The following TBC1D22B variants were observed in gnomAD, a reference collection of about 807,000 sequenced individuals.
TBC1D22B encodes the protein TBC1 domain family member 22B, also known as chromosome 6 open reading frame 197.
In TBC1D22B, 32 loss-of-function variants were observed where a neutral mutation model predicts 69.1. The ratio of observed to expected loss-of-function variants is 0.46; its 90% CI spans 0.35 to 0.62. The LOEUF is 0.62. Among genes scored for constraint, TBC1D22B ranks in the 20% least tolerant of loss-of-function variants. The pLI is 0.00. For missense variants in TBC1D22B, 462 were observed against 630.9 expected (o/e 0.73, Z 2.87); for synonymous variants, 206 against 229.8 (o/e 0.90, Z 0.94).
chr6:37,326,773 G>A (rs1340173029), intron 12 of TBC1D22B, among the ~76,000 whole-genome samples: 2 of 150,314 alleles, frequency 1.3e-5, no homozygotes, highest in South Asian at 2.1e-4. Flanking sequence ...GGGTGACGGA[G>A]CGAGACTACG....
intron 8 of TBC1D22B, among the ~76,000 whole-genome samples, chr6:37,298,577 GCT>G (rs1767463606): frequency 1.0e-5 from 1 of 99,398 alleles, no homozygotes; most frequent in Non-Finnish European, 1.8e-5. Context: ...ACGGAGTCTT[GCT>G]CTGTTGCCCA....
intron 8 of TBC1D22B, among the ~76,000 whole-genome samples, chr6:37,303,885 C>T (rs1022849785): frequency 2.0e-5 from 3 of 152,142 alleles, no homozygotes; most frequent in Admixed American, 6.5e-5. Context: ...GGCACTTTAC[C>T]TCGCTAGTTG....
At chr6:37,284,081 G>C (rs1306639972) in intron 5 of TBC1D22B, among the ~76,000 whole-genome samples, 1 of 152,202 alleles carries the variant, frequency 6.6e-6, no homozygotes, top group African/African-American at 2.4e-5. Context: ...GTGCTCACCA[G>C]TGGCACAAGC....
In TBC1D22B at chr6:37,313,883, G is replaced by A. The variant is rs1297726032; in HGVS notation, c.1157G>A (p.Arg386Gln). Residue 386 changes from arginine (R) to glutamine (Q), a missense_variant, in exon 10 of 13, where the codon CGG becomes CAG. Arg to Gln is a conservative substitution (Grantham distance 43, BLOSUM62 1). Coordinates refer to ENST00000373491, the MANE Select transcript of TBC1D22B (RefSeq NM_017772.4). The stretch of plus-strand genomic sequence containing the variant: ...AAGGCACTGGAAGAGCTTGTCAGCC[G>A]GATTGATGGTAGGTTCAGAGGGAGA... ...KVKALEELVS[R>Q]IDEQVHNHFR... 2.5e-6 allele frequency: 4 copies of A among 1,614,080 alleles called. No homozygotes were observed. The highest frequency in any genetic ancestry group is 2.2e-5 in the East Asian group (1 of 44,886).
rs1347993371 is a variant in TBC1D22B at position 37,279,379 on chromosome 6, A to G, written c.189A>G (p.Ala63=). ...AGGCCTCCAGTTTTCATGAGTTTGC[A>G]CGGAATACCAGTGATGCTTGGGACA... is the stretch of plus-strand genomic sequence containing the variant. ...NKKASSFHEF[A]RNTSDAWDIG... Residue 63 remains alanine, a synonymous_variant, in exon 3 of 13, where the codon GCA becomes GCG. Transcript: ENST00000373491. The G allele has an allele frequency of 6.4e-5, 103 of 1,614,106 alleles. No homozygotes were observed. The highest frequency in any genetic ancestry group is 8.7e-5 in the Non-Finnish European group (103 of 1,180,044).
chr6:37,282,074 G>T, intron 3 of TBC1D22B, 111 bp from the exon 4 acceptor site: 1 of 1,259,128 alleles, frequency 7.9e-7, no homozygotes, highest in South Asian at 1.3e-5. Context: ...AGTGCACACA[G>T]GCAGCCACAC....
chr6:37,329,686 CATT>C (rs1235659462), intron 12 of TBC1D22B, among the ~76,000 whole-genome samples: 9 of 152,206 alleles, frequency 5.9e-5, no homozygotes, highest in African/African-American at 1.9e-4. Flanking sequence ...CCAGGGCTAA[CATT>C]ATGGTTTTGG....
chr6:37,289,101 G>A, intron 7 of TBC1D22B, among the ~76,000 whole-genome samples: 1 of 151,708 alleles, frequency 6.6e-6, no homozygotes, highest in Non-Finnish European at 1.5e-5. Context: ...TTGCTTTGTT[G>A]CCCAGGACTG....
In TBC1D22B at chr6:37,313,038, G is replaced by T. The variant is rs1205096885; in HGVS notation, c.1089+14G>T. ...GATGGAATCCAGGTGAGCTGCTTCT[G>T]CCCTTGTGGGAACAAACGTCTAGGT... On this transcript the variant is annotated intron_variant, in intron 9 of 12. Coordinates refer to ENST00000373491, the MANE Select transcript of TBC1D22B (RefSeq NM_017772.4). 6.2e-7 allele frequency: 1 copy of T among 1,608,682 alleles called. No homozygotes were observed. Among genetic ancestry groups the T allele is most frequent in the Admixed American group, 1.7e-5 (1 of 60,010 alleles).
chr6:37,319,171 T>A (rs1302703176), intron 12 of TBC1D22B, among the ~76,000 whole-genome samples: 1 of 152,106 alleles, frequency 6.6e-6, no homozygotes, highest in African/African-American at 2.4e-5. Context: ...TTGACTTCTG[T>A]GAGTAGATGC....
intron 8 of TBC1D22B, among the ~76,000 whole-genome samples, chr6:37,293,680 A>G (rs1459329813): frequency 6.6e-6 from 1 of 152,236 alleles, no homozygotes; most frequent in Non-Finnish European, 1.5e-5. Flanking sequence ...ATCAAAAGCT[A>G]TAAATGATTA....
At chr6:37,308,515 G>A (rs564422849) in intron 8 of TBC1D22B, among the ~76,000 whole-genome samples, 16 of 152,274 alleles carry the variant, frequency 1.1e-4, no homozygotes, top group Admixed American at 7.8e-4. Context: ...CTATCTCACT[G>A]GCTGTGAAAA....
chr6:37,267,118 G>A (rs981621244), intron 1 of TBC1D22B, among the ~76,000 whole-genome samples: 5 of 150,258 alleles, frequency 3.3e-5, no homozygotes, highest in African/African-American at 1.2e-4. Flanking sequence ...TAAATTTTTT[G>A]TAGGTACAAG....
rs76387135 is a variant in TBC1D22B, at chr6:37,258,133, G to A, written c.56+160G>A. 220 of 802,342 alleles carry A rather than the reference G, an allele frequency of 2.7e-4. No individual in the cohort carries two copies. The African/African-American group carries it at 3.7e-3, about 14-fold the overall frequency. The allele number at this position is 802,342 out of a possible 1,614,324, so 49.7% of individuals were successfully genotyped here. A position where few individuals can be genotyped will look rare whatever the true frequency, so the allele number is the denominator to read the frequency against. On this transcript the variant is annotated intron_variant, in intron 1 of 12. Transcript: ENST00000373491. ...CAGGGCAGCTGTCAGGCAGCGAAGC[G>A]AACAGCGAGCTTTGGGGACGGCTGG...
chr6:37,258,679 G>A (rs1224801564), intron 1 of TBC1D22B, among the ~76,000 whole-genome samples: 2 of 152,296 alleles, frequency 1.3e-5, no homozygotes, highest in South Asian at 2.1e-4. Flanking sequence ...TAACTGGAGA[G>A]CAGACCCCCT....
At chr6:37,277,369 C>T (rs1306325894) in intron 2 of TBC1D22B, among the ~76,000 whole-genome samples, 2 of 152,122 alleles carry the variant, frequency 1.3e-5, no homozygotes, top group Admixed American at 6.5e-5. Context: ...GATCAGGTCC[C>T]CTTTTACAAA....
intron 8 of TBC1D22B, among the ~76,000 whole-genome samples, chr6:37,291,655 C>T (rs993925804): frequency 5.3e-5 from 8 of 152,084 alleles, no homozygotes; most frequent in East Asian, 1.9e-4. Context: ...AACTTGTTTC[C>T]GACATAGGCC....
chr6:37,270,778 G>T (rs1005744459), intron 2 of TBC1D22B, among the ~76,000 whole-genome samples: 3 of 152,210 alleles, frequency 2.0e-5, no homozygotes, highest in African/African-American at 7.2e-5. Context: ...GGGAGATGCA[G>T]ACCTAGGTTC....
Position 37,257,790 on chromosome 6 carries a change from C to G in TBC1D22B, c.-128C>G, listed in dbSNP as rs1291789968. The G allele has an allele frequency of 9.8e-7, 1 of 1,025,582 alleles. No individual in the cohort carries two copies. The highest frequency in any genetic ancestry group is 2.6e-5 in the East Asian group (1 of 37,828). The allele number at this position is 1,025,582 out of a possible 1,614,324, so 63.5% of individuals were successfully genotyped here. On this transcript the variant is annotated 5_prime_UTR_variant, in exon 1 of 13. Transcript: ENST00000373491. ...GGTGCCCACATCCAAGATGGCGTCC[C>G]CAGGAGCTGGGAGCGGGTGACCGGC...
Sources: allele counts gnomAD v4.1 joint callset (sites outside exome capture counted in the v4.1 genomes callset), GRCh38; gene constraint gnomAD v4.1.1; transcripts MANE v1.5; gene names NCBI Gene and HGNC (gene_info 2026-07-23, HGNC 2026-07-21).